FSTL5: variants seen among roughly 807,000 people sequenced by gnomAD.
The protein encoded by FSTL5 is follistatin like 5, also known as follistatin-related protein 5.
FSTL5 carries 62 observed loss-of-function variants against 89.1 expected under a neutral mutation model. The ratio of observed to expected loss-of-function variants is 0.70; its 90% CI spans 0.57 to 0.86. The LOEUF (loss-of-function observed/expected upper bound fraction) is 0.86, where lower values mean the gene tolerates loss of function less well. FSTL5 is among the 40% of genes least tolerant of loss of function. FSTL5 has a pLI of 0.00. For synonymous variants in FSTL5, 383 were observed against 346.2 expected (o/e 1.11, Z -1.18); for missense variants, 1,057 against 1,001.6 (o/e 1.06, Z -0.75).
rs543769832 is a variant in FSTL5 at position 161,673,798 on chromosome 4, AT to A, written c.728-17305del. On this transcript the variant is annotated intron_variant, in intron 6 of 15. Coordinates refer to ENST00000306100, the MANE Select transcript of FSTL5 (RefSeq NM_020116.5). The stretch of plus-strand genomic sequence containing the variant: ...TTTAAATGATTATTTTTAAGGATAT[AT>A]TTTTATATTCATATTAAATTATTAG... Among the ~76,000 whole-genome samples the A allele has an allele frequency of 6.0e-3, 917 of 152,028 alleles. 9 individuals carry two copies. Among genetic ancestry groups the A allele is most frequent in the South Asian group, 0.046 (220 of 4,832 alleles).
chr4:161,962,484 C>A (rs1308476029), intron 3 of FSTL5, among the ~76,000 whole-genome samples: 1 of 151,802 alleles, frequency 6.6e-6, no homozygotes, highest in African/African-American at 2.4e-5. Flanking sequence ...AACTTGAGAA[C>A]AATAGTACTT....
intron 15 of FSTL5, among the ~76,000 whole-genome samples, chr4:161,431,628 G>T (rs553069601): frequency 3.7e-4 from 56 of 152,080 alleles, no homozygotes; most frequent in African/African-American, 1.3e-3. Flanking sequence ...TAGTAACATT[G>T]AATGTAAATG....
intron 4 of FSTL5, among the ~76,000 whole-genome samples, chr4:161,859,180 A>G (rs1410806226): frequency 6.6e-6 from 1 of 152,200 alleles, no homozygotes; most frequent in Non-Finnish European, 1.5e-5. Flanking sequence ...AAATTTACCT[A>G]TAGTCACAAA....
chr4:161,769,827 G>T (rs7675256), intron 5 of FSTL5, among the ~76,000 whole-genome samples: 31,781 of 151,350 alleles, frequency 0.21, 6,123 homozygotes, highest in African/African-American at 0.51. Context: ...TCAGAAAAGA[G>T]AAAGAAATAA....
At chr4:161,629,687 A>T (rs561378915) in intron 7 of FSTL5, among the ~76,000 whole-genome samples, 2 of 152,232 alleles carry the variant, frequency 1.3e-5, no homozygotes, top group South Asian at 4.1e-4. Flanking sequence ...GAGGGAAGAA[A>T]ATGGGATTTT....
chr4:161,882,454 G>T (rs749925266), intron 4 of FSTL5, among the ~76,000 whole-genome samples: 18 of 152,018 alleles, frequency 1.2e-4, no homozygotes, highest in Non-Finnish European at 2.1e-4. Flanking sequence ...CATTCAGACC[G>T]CTTTTGCCAC....
At chr4:161,750,732 A>G (rs1430698732) in intron 6 of FSTL5, among the ~76,000 whole-genome samples, 1 of 152,152 alleles carries the variant, frequency 6.6e-6, no homozygotes, top group African/African-American at 2.4e-5. Flanking sequence ...GGTCTCACTT[A>G]TATGTGGAAT....
chr4:162,047,931 C>T (rs567173613), intron 2 of FSTL5, among the ~76,000 whole-genome samples: 1 of 152,230 alleles, frequency 6.6e-6, no homozygotes, highest in Admixed American at 6.5e-5. Context: ...ATTTTCATTC[C>T]TGTTTTGGCA....
chr4:161,402,531 C>T (rs1731217464), intron 15 of FSTL5, among the ~76,000 whole-genome samples: 2 of 152,126 alleles, frequency 1.3e-5, no homozygotes, highest in South Asian at 4.1e-4. Context: ...AGGTTTGTTT[C>T]TGTAAGGAAA....
intron 2 of FSTL5, among the ~76,000 whole-genome samples, chr4:162,037,008 T>A (rs962720618): frequency 2.0e-5 from 3 of 151,892 alleles, no homozygotes; most frequent in Admixed American, 2.0e-4. Context: ...GATATTATGT[T>A]TGTTGTTTAT....
chr4:161,851,470 A>T (rs1320996983), intron 4 of FSTL5, among the ~76,000 whole-genome samples: 1 of 152,172 alleles, frequency 6.6e-6, no homozygotes, highest in East Asian at 1.9e-4. Context: ...AAACGATTTC[A>T]GGTATCTTTC....
chr4:162,077,148 C>T (rs1415553940), intron 2 of FSTL5, among the ~76,000 whole-genome samples: 1 of 151,778 alleles, frequency 6.6e-6, no homozygotes, highest in Admixed American at 6.6e-5. Flanking sequence ...TATCAAGGGG[C>T]TGGCAGCTTT....
At chr4:161,880,878 T>C (rs558146187) in intron 4 of FSTL5, among the ~76,000 whole-genome samples, 123 of 152,190 alleles carry the variant, frequency 8.1e-4, no homozygotes, top group African/African-American at 3.0e-3. Flanking sequence ...GTAGTTGCCA[T>C]GAGGCAGGAA....
chr4:161,851,243 G>A (rs2126880877), intron 4 of FSTL5, among the ~76,000 whole-genome samples: 1 of 152,246 alleles, frequency 6.6e-6, no homozygotes, highest in East Asian at 1.9e-4. Flanking sequence ...TGATTATCCT[G>A]ACACCATCTT....
chr4:161,817,220 T>C (rs1276059574), intron 4 of FSTL5, among the ~76,000 whole-genome samples: 4 of 152,200 alleles, frequency 2.6e-5, no homozygotes, highest in African/African-American at 9.6e-5. Flanking sequence ...GTCATTGTTA[T>C]AACCAAGAGT....
intron 4 of FSTL5, among the ~76,000 whole-genome samples, chr4:161,856,389 T>A (rs1214021522): frequency 6.6e-6 from 1 of 152,118 alleles, no homozygotes; most frequent in Non-Finnish European, 1.5e-5. Flanking sequence ...ATTATAAAAT[T>A]AAATAAATAA....
At chr4:161,514,397 A>G (rs1031552592) in intron 10 of FSTL5, among the ~76,000 whole-genome samples, 1 of 152,146 alleles carries the variant, frequency 6.6e-6, no homozygotes, top group Non-Finnish European at 1.5e-5. Flanking sequence ...GAACGTTCTC[A>G]CTTACAAGTA....
chr4:161,418,296 G>A (rs1389313484), intron 15 of FSTL5, among the ~76,000 whole-genome samples: 1 of 151,974 alleles, frequency 6.6e-6, no homozygotes, highest in African/African-American at 2.4e-5. Context: ...TAGTGCGTTA[G>A]AAAATAAATA....
chr4:161,471,251 A>G (rs1733927857), intron 13 of FSTL5, among the ~76,000 whole-genome samples: 1 of 152,116 alleles, frequency 6.6e-6, no homozygotes, highest in African/African-American at 2.4e-5. Flanking sequence ...TTTTTTGAGT[A>G]TTTTTATTAT....
Sources: allele counts gnomAD v4.1 joint callset (sites outside exome capture counted in the v4.1 genomes callset), GRCh38; gene constraint gnomAD v4.1.1; transcripts MANE v1.5; gene names NCBI Gene and HGNC (gene_info 2026-07-23, HGNC 2026-07-21).